The following CNTN4 variants were observed in gnomAD, a reference collection of about 807,000 sequenced individuals.
CNTN4 encodes the protein contactin 4, also known as contactin-4.
A neutral mutation model predicts 122.5 loss-of-function variants in CNTN4; 77 were observed. The observed-to-expected ratio is 0.63, with a 90% CI of 0.52 to 0.76. The LOEUF is 0.76. Ranked by LOEUF, CNTN4 falls within the 30% of genes least tolerant of loss-of-function variation. The pLI, the probability that CNTN4 is intolerant of heterozygous loss-of-function variation, is 0.00. For missense variants in CNTN4, 1,256 were observed against 1,259.1 expected, an observed-to-expected ratio of 1.00 and a Z score of 0.04; for synonymous variants, 512 against 447.0, an observed-to-expected ratio of 1.15 and a Z score of -1.83.
At chr3:2,712,855 G>A (rs1468179580) in intron 4 of CNTN4, among the ~76,000 whole-genome samples, 1 of 152,144 alleles carries the variant, frequency 6.6e-6, no homozygotes, top group Non-Finnish European at 1.5e-5. Flanking sequence ...AACAGGACAG[G>A]GTGCAAAGAG....
chr3:2,934,316 C>A (rs1445131114), intron 13 of CNTN4, among the ~76,000 whole-genome samples: 2 of 152,232 alleles, frequency 1.3e-5, no homozygotes, highest in Non-Finnish European at 2.9e-5. Context: ...GAATGAAATT[C>A]ATGCTCATGT....
intron 4 of CNTN4, among the ~76,000 whole-genome samples, chr3:2,651,823 ACT>A (rs903093457): frequency 1.2e-4 from 18 of 146,880 alleles, no homozygotes; most frequent in Middle Eastern, 3.6e-3. Flanking sequence ...CCTACTTCTT[ACT>A]CTCGAGTAGC....
intron 13 of CNTN4, among the ~76,000 whole-genome samples, chr3:2,983,107 G>A (rs560688730): frequency 2.5e-3 from 379 of 150,788 alleles, no homozygotes; most frequent in African/African-American, 8.5e-3. Context: ...CCAGCTACTC[G>A]GGAGGCTGAG....
chr3:2,767,052 T>A (rs2090893088), intron 6 of CNTN4, among the ~76,000 whole-genome samples: 1 of 152,192 alleles, frequency 6.6e-6, no homozygotes, highest in Non-Finnish European at 1.5e-5. Context: ...GGTCTTGGTG[T>A]ATCACATGGA....
At chr3:2,277,275 T>C (rs1216524728) in intron 2 of CNTN4, among the ~76,000 whole-genome samples, 1 of 150,434 alleles carries the variant, frequency 6.6e-6, no homozygotes. Flanking sequence ...TGCAAACTTA[T>C]TCCTGGAAGA....
chr3:2,869,368 G>A (rs557630170), intron 8 of CNTN4, among the ~76,000 whole-genome samples: 1 of 152,228 alleles, frequency 6.6e-6, no homozygotes, highest in East Asian at 1.9e-4. Flanking sequence ...ATGGATTCAG[G>A]ATATAGTTTG....
At chr3:2,873,079 A>G (rs1020471241) in intron 8 of CNTN4, among the ~76,000 whole-genome samples, 3 of 152,210 alleles carry the variant, frequency 2.0e-5, no homozygotes, top group African/African-American at 7.2e-5. Context: ...ACTTTTAGTC[A>G]TGTCCAGGAC....
At chr3:2,136,250 T>C (rs1247389567) in intron 2 of CNTN4, among the ~76,000 whole-genome samples, 1 of 152,218 alleles carries the variant, frequency 6.6e-6, no homozygotes, top group African/African-American at 2.4e-5. Context: ...TGAGAGACCT[T>C]ATATCATTTG....
intron 2 of CNTN4, among the ~76,000 whole-genome samples, chr3:2,193,823 T>C (rs553901390): frequency 5.3e-4 from 81 of 152,214 alleles, no homozygotes; most frequent in Non-Finnish European, 9.7e-4. Context: ...TGTGTTACAG[T>C]TGCCCACAGT....
chr3:2,633,809 G>T (rs1238521731), intron 4 of CNTN4, among the ~76,000 whole-genome samples: 1 of 152,112 alleles, frequency 6.6e-6, no homozygotes, highest in Non-Finnish European at 1.5e-5. Flanking sequence ...TTAAGAAGGA[G>T]AAAAAGGAAG....
At chr3:2,292,570 A>G (rs899519515) in intron 2 of CNTN4, among the ~76,000 whole-genome samples, 2 of 152,164 alleles carry the variant, frequency 1.3e-5, no homozygotes, top group African/African-American at 4.8e-5. Flanking sequence ...TGTCCCTTTT[A>G]GGTAGTAGTC....
chr3:2,279,731 A>C (rs1234092040), intron 2 of CNTN4, among the ~76,000 whole-genome samples: 1 of 151,906 alleles, frequency 6.6e-6, no homozygotes, highest in Non-Finnish European at 1.5e-5. Context: ...ATCTTTAGAC[A>C]GAATTTTGGT....
At chr3:2,887,341 G>T in intron 10 of CNTN4, 117 bp downstream of exon 10, 1 of 939,228 alleles carries the variant, frequency 1.1e-6, no homozygotes, top group Non-Finnish European at 1.6e-6. Context: ...AGGACTGTGT[G>T]AAACTCATGG....
At chr3:2,339,690 C>T (rs971161201) in intron 3 of CNTN4, among the ~76,000 whole-genome samples, 2 of 152,164 alleles carry the variant, frequency 1.3e-5, no homozygotes, top group Admixed American at 6.5e-5. Context: ...AAATGTAACT[C>T]ACTGTCTACA....
intron 4 of CNTN4, among the ~76,000 whole-genome samples, chr3:2,724,788 G>A (rs1034088201): frequency 4.6e-5 from 7 of 152,136 alleles, no homozygotes; most frequent in Non-Finnish European, 4.4e-5. Flanking sequence ...CACCCCAGAA[G>A]GGCTTAAAAC....
chr3:2,634,693 T>A (rs1315437534), intron 4 of CNTN4, among the ~76,000 whole-genome samples: 4 of 141,526 alleles, frequency 2.8e-5, no homozygotes, highest in African/African-American at 1.1e-4. Context: ...AAAAAATATA[T>A]ATATATATAT....
At chr3:2,830,409 A>C (rs1245110340) in intron 7 of CNTN4, among the ~76,000 whole-genome samples, 1 of 152,242 alleles carries the variant, frequency 6.6e-6, no homozygotes, top group Non-Finnish European at 1.5e-5. Context: ...TTGGAAAATG[A>C]GAATGGATCC....
At chr3:2,226,081 G>A (rs746884659) in intron 2 of CNTN4, among the ~76,000 whole-genome samples, 2 of 152,048 alleles carry the variant, frequency 1.3e-5, no homozygotes, top group African/African-American at 2.4e-5. Context: ...TTTAAATACT[G>A]GTAAAAGCAT....
intron 2 of CNTN4, among the ~76,000 whole-genome samples, chr3:2,179,920 TA>T (rs1381886532): frequency 7.9e-5 from 12 of 152,026 alleles, no homozygotes; most frequent in East Asian, 3.9e-4. Context: ...TACTCAGTTG[TA>T]AAAAAGATTA....
Sources: gnomAD v4.1 joint callset for allele counts (sites outside exome capture counted in the v4.1 genomes callset) on GRCh38, gnomAD v4.1.1 for gene constraint, MANE v1.5 for transcripts, NCBI Gene and HGNC (gene_info 2026-07-23, HGNC 2026-07-21) for gene names.